Variants in HSD17B2 observed in about 807,000 individuals in gnomAD.
HSD17B2 encodes hydroxysteroid 17-beta dehydrogenase 2.
Under a neutral mutation model 26.9 loss-of-function variants are expected in HSD17B2, and 32 were observed. That is an observed-to-expected ratio of 1.19 (90% confidence interval 0.90 to 1.60). HSD17B2 has a LOEUF of 1.60. Among genes scored for constraint, HSD17B2 ranks in the 40% most tolerant of loss-of-function variants. The pLI is 0.00. For synonymous variants in HSD17B2, 246 were observed against 186.7 expected, an observed-to-expected ratio of 1.32 and a Z score of -2.59; for missense variants, 613 against 468.6, an observed-to-expected ratio of 1.31 and a Z score of -2.85.
At chr16:82,080,803 C>G (rs1904358232) in intron 3 of HSD17B2, among the ~76,000 whole-genome samples, 1 of 152,198 alleles carries the variant, frequency 6.6e-6, no homozygotes, top group South Asian at 2.1e-4. Flanking sequence ...ATTCTTTACA[C>G]CATGTTGAAG....
At chr16:82,078,975 G>C (rs1904320270) in intron 3 of HSD17B2, among the ~76,000 whole-genome samples, 1 of 152,144 alleles carries the variant, frequency 6.6e-6, no homozygotes, top group African/African-American at 2.4e-5. Flanking sequence ...ACAACAGAGT[G>C]ACAATAGTCA....
intron 3 of HSD17B2, among the ~76,000 whole-genome samples, chr16:82,083,421 T>C (rs940350415): frequency 2.0e-4 from 31 of 152,156 alleles, no homozygotes; most frequent in African/African-American, 7.2e-4. Context: ...TCTCTACCAA[T>C]GACAACTGCG....
chr16:82,081,730 C>T (rs1368858921), intron 3 of HSD17B2, among the ~76,000 whole-genome samples: 1 of 152,148 alleles, frequency 6.6e-6, no homozygotes, highest in Non-Finnish European at 1.5e-5. Context: ...TATTAATGGA[C>T]ACTGCCCCGC....
chr16:82,063,525 G>A (rs979711462), intron 1 of HSD17B2, among the ~76,000 whole-genome samples: 3 of 152,024 alleles, frequency 2.0e-5, no homozygotes, highest in African/African-American at 7.2e-5. Context: ...CGTGATCTTT[G>A]GCTTCATTAA....
At chr16:82,051,483 G>A (rs187265678) in intron 1 of HSD17B2, among the ~76,000 whole-genome samples, 199 of 152,056 alleles carry the variant, frequency 1.3e-3, no homozygotes, top group African/African-American at 4.7e-3. Flanking sequence ...ACCAAGTACC[G>A]CATGTTCTCA....
At chr16:82,059,805 G>A (rs1914381467) in intron 1 of HSD17B2, among the ~76,000 whole-genome samples, 1 of 152,126 alleles carries the variant, frequency 6.6e-6, no homozygotes, top group Non-Finnish European at 1.5e-5. Flanking sequence ...GTAGCTTTGG[G>A]CAAGTGTTTA....
rs761837473 is a variant in HSD17B2, at chr16:82,090,895, C to G, written c.665-7C>G. On this transcript the variant is annotated splice_polypyrimidine_tract_variant and splice_region_variant and intron_variant, in intron 3 of 4. Coordinates refer to ENST00000199936, the MANE Select transcript of HSD17B2 (RefSeq NM_002153.3). Reference sequence around the variant, plus strand: ...CTTTGCTTCTTTTTCTCCCATTATTCCCATAGGAGGGGCCCCAATGGAAAG... The same window carrying G: ...CTTTGCTTCTTTTTCTCCCATTATTGCCATAGGAGGGGCCCCAATGGAAAG... 1.2e-6 allele frequency: 2 copies of G among 1,602,172 alleles called. No homozygotes were observed. The highest frequency in any genetic ancestry group is 2.2e-5 in the South Asian group (2 of 89,038).
Position 82,091,033 on chromosome 16 carries a change from C to G in HSD17B2, c.796C>G (p.Leu266Val), listed in dbSNP as rs140909513. ...TGCTTCCATCCAACCTGGAGGCTTC[C>G]TAACAAGTAGGTTTCTGAGCCCAAG... The part of the protein sequence containing the change: ...KVASIQPGGF[L>V]TNIAGTSDKW... The change falls in exon 4 of 5, where the codon CTA (leucine) becomes GTA (valine). Residue 266 changes from leucine to valine, a missense_variant. By Grantham distance (32) the Leu-to-Val change is conservative. Coordinates refer to ENST00000199936, the MANE Select transcript of HSD17B2 (RefSeq NM_002153.3). The G allele has an allele frequency of 3.0e-5, 48 of 1,613,754 alleles. No homozygotes were observed. The highest frequency in any genetic ancestry group is 4.1e-5 in the Non-Finnish European group (48 of 1,179,832).
rs567291522 is a variant in HSD17B2 at position 82,053,587 on chromosome 16, G to A, written c.266-14583G>A. Reference sequence around the variant, plus strand: ...GTTCTCCACTAGACTGTAAGACCTTGAGGCCAAGAACTGTGTCCATCTTGG... The same window carrying A: ...GTTCTCCACTAGACTGTAAGACCTTAAGGCCAAGAACTGTGTCCATCTTGG... On this transcript the variant is annotated intron_variant, in intron 1 of 4. Coordinates refer to ENST00000199936, the MANE Select transcript of HSD17B2 (RefSeq NM_002153.3). Among the ~76,000 whole-genome samples the A allele has an allele frequency of 2.6e-5, 4 of 152,310 alleles. No homozygotes were observed. In the East Asian group the frequency reaches 7.7e-4, roughly 29 times the overall value.
At chr16:82,062,634 T>G (rs1914471172) in intron 1 of HSD17B2, among the ~76,000 whole-genome samples, 1 of 152,202 alleles carries the variant, frequency 6.6e-6, no homozygotes. Context: ...CCTCTGTAAA[T>G]GGGTGATGGT....
intron 1 of HSD17B2, among the ~76,000 whole-genome samples, chr16:82,037,801 C>T (rs1913660508): frequency 6.6e-6 from 1 of 152,168 alleles, no homozygotes. Context: ...CACAGGAAAT[C>T]CCAGGGTTGG....
In HSD17B2 at chr16:82,091,003, A is replaced by C. The variant is rs749486566; in HGVS notation, c.766A>C (p.Lys256Gln). The C allele has an allele frequency of 1.2e-6, 2 of 1,614,002 alleles. No homozygotes were observed. Among genetic ancestry groups the C allele is most frequent in the Admixed American group, 3.3e-5 (2 of 60,008 alleles). Reference sequence around the variant, plus strand: ...ACTGGAGCTTTCCAAGTGGGGAATTAAAGTTGCTTCCATCCAACCTGGAGG... The same window carrying C: ...ACTGGAGCTTTCCAAGTGGGGAATTCAAGTTGCTTCCATCCAACCTGGAGG... The part of the protein sequence containing the change: ...MRLELSKWGI[K>Q]VASIQPGGFL... Residue 256 changes from lysine (K) to glutamine (Q), a missense_variant, in exon 4 of 5, where the codon AAA (lysine) becomes CAA (glutamine). Physicochemically the swap from Lys to Gln is moderately conservative, Grantham distance 53 (BLOSUM62 1). Transcript: ENST00000199936.
At chr16:82,063,463 C>T (rs1256624779) in intron 1 of HSD17B2, among the ~76,000 whole-genome samples, 2 of 152,024 alleles carry the variant, frequency 1.3e-5, no homozygotes, top group East Asian at 1.9e-4. Context: ...AGACTCGCAC[C>T]CATTCGCCTA....
chr16:82,077,298 G>A (rs1174696743), intron 3 of HSD17B2, among the ~76,000 whole-genome samples: 3 of 152,130 alleles, frequency 2.0e-5, no homozygotes, highest in African/African-American at 4.8e-5. Context: ...AAAACAGCAT[G>A]GTACCAGCAT....
At chr16:82,051,563 T>C (rs534949093) in intron 1 of HSD17B2, among the ~76,000 whole-genome samples, 17 of 151,694 alleles carry the variant, frequency 1.1e-4, no homozygotes, top group African/African-American at 4.1e-4. Flanking sequence ...TCGGGGCCTA[T>C]TGGGGTGGGG....
intron 4 of HSD17B2, chr16:82,091,423 G>A: frequency 3.8e-6 from 1 of 265,820 alleles, no homozygotes; most frequent in South Asian, 4.5e-5. Context: ...AGAAACAGAG[G>A]TCTGATCCTT....
At chr16:82,059,376 T>C (rs988690853) in intron 1 of HSD17B2, among the ~76,000 whole-genome samples, 2 of 152,146 alleles carry the variant, frequency 1.3e-5, no homozygotes, top group African/African-American at 2.4e-5. Flanking sequence ...GACAAAATTG[T>C]CTGTGGTTGA....
intron 3 of HSD17B2, among the ~76,000 whole-genome samples, chr16:82,078,544 A>G (rs911713145): frequency 2.0e-5 from 3 of 152,248 alleles, no homozygotes; most frequent in Admixed American, 1.3e-4. Context: ...GGAAATCAGT[A>G]TATCAAAGAG....
intron 1 of HSD17B2, among the ~76,000 whole-genome samples, chr16:82,065,607 C>G (rs564785259): frequency 6.6e-6 from 1 of 152,334 alleles, no homozygotes; most frequent in East Asian, 1.9e-4. Context: ...TAACCAGGCT[C>G]TAGATACTTT....
Sources: allele counts gnomAD v4.1 joint callset (sites outside exome capture counted in the v4.1 genomes callset), GRCh38; gene constraint gnomAD v4.1.1; transcripts MANE v1.5; gene names NCBI Gene and HGNC (gene_info 2026-07-23, HGNC 2026-07-21).